DNER: variants seen among roughly 807,000 people sequenced by gnomAD.
DNER encodes the protein delta/notch like EGF repeat containing.
A neutral mutation model predicts 78.2 loss-of-function variants in DNER; 33 were observed. That is an observed-to-expected ratio of 0.42 (90% confidence interval 0.32 to 0.56). DNER has a LOEUF of 0.56. Among genes scored for constraint, DNER ranks in the 20% least tolerant of loss-of-function variants. DNER has a pLI of 0.11. For synonymous variants in DNER, 417 were observed against 384.8 expected (o/e 1.08, Z -0.98); for missense variants, 918 against 975.3 (o/e 0.94, Z 0.78).
At chr2:229,415,926 C>A (rs1036257091) in intron 9 of DNER, among the ~76,000 whole-genome samples, 11 of 152,336 alleles carry the variant, frequency 7.2e-5, no homozygotes, top group African/African-American at 2.6e-4. Context: ...GTAAAAAATT[C>A]TCTTTATCCT....
At chr2:229,681,470 T>G (rs887279209) in intron 1 of DNER, among the ~76,000 whole-genome samples, 1 of 152,206 alleles carries the variant, frequency 6.6e-6, no homozygotes, top group Non-Finnish European at 1.5e-5. Context: ...AAGCCAATTA[T>G]GCTCAAAATA....
At chr2:229,531,963 C>T (rs1253980839) in intron 5 of DNER, among the ~76,000 whole-genome samples, 3 of 151,892 alleles carry the variant, frequency 2.0e-5, no homozygotes, top group Admixed American at 2.0e-4. Flanking sequence ...TCCACAGAGA[C>T]AGAATGCAGA....
intron 1 of DNER, among the ~76,000 whole-genome samples, chr2:229,595,497 G>T (rs1697695697): frequency 6.6e-6 from 1 of 152,100 alleles, no homozygotes; most frequent in Non-Finnish European, 1.5e-5. Flanking sequence ...GGCCAGGCTG[G>T]TCTCAAACTC....
At chr2:229,629,569 G>T (rs773196639) in intron 1 of DNER, among the ~76,000 whole-genome samples, 13 of 152,270 alleles carry the variant, frequency 8.5e-5, no homozygotes, top group Admixed American at 2.0e-4. Flanking sequence ...AGCAATACAT[G>T]GAGTCAAGTG....
chr2:229,391,727 G>C (rs1015338441), intron 10 of DNER, among the ~76,000 whole-genome samples: 16 of 152,004 alleles, frequency 1.1e-4, no homozygotes, highest in Non-Finnish European at 2.2e-4. Flanking sequence ...ATTTTTAGTA[G>C]AGACGGGGTT....
intron 11 of DNER, among the ~76,000 whole-genome samples, chr2:229,374,037 A>G (rs1476169423): frequency 1.3e-5 from 2 of 152,136 alleles, no homozygotes; most frequent in Non-Finnish European, 2.9e-5. Context: ...GTGTCATGGT[A>G]CATTTCTGTA....
intron 10 of DNER, 127 bp from the exon 11 acceptor site, chr2:229,388,523 T>C (rs529788571): frequency 3.4e-4 from 391 of 1,142,270 alleles, no homozygotes; most frequent in Middle Eastern, 1.4e-3. Context: ...ACCTGCTGTT[T>C]GTATAAAGTG....
intron 1 of DNER, among the ~76,000 whole-genome samples, chr2:229,698,767 GGTTT>G (rs1203443094): frequency 6.6e-6 from 1 of 152,028 alleles, no homozygotes; most frequent in Non-Finnish European, 1.5e-5. Context: ...TCCAGCTAAA[GGTTT>G]ATTTGGGGCC....
intron 6 of DNER, among the ~76,000 whole-genome samples, chr2:229,507,635 T>G (rs1452003618): frequency 6.6e-6 from 1 of 152,220 alleles, no homozygotes; most frequent in African/African-American, 2.4e-5. Flanking sequence ...AGGGACACGT[T>G]ATAAAGTATC....
intron 4 of DNER, among the ~76,000 whole-genome samples, chr2:229,570,731 A>AT (rs1697204262): frequency 6.6e-6 from 1 of 151,980 alleles, no homozygotes; most frequent in African/African-American, 2.4e-5. Flanking sequence ...TTGCAGTTGT[A>AT]TAAGAGTGGA....
chr2:229,695,822 C>G (rs1699654880), intron 1 of DNER, among the ~76,000 whole-genome samples: 1 of 152,156 alleles, frequency 6.6e-6, no homozygotes, highest in Non-Finnish European at 1.5e-5. Context: ...GAATAGTAAG[C>G]TGAGGGTCAT....
At chr2:229,565,300 A>G (rs1697083856) in intron 4 of DNER, among the ~76,000 whole-genome samples, 1 of 152,208 alleles carries the variant, frequency 6.6e-6, no homozygotes, top group Admixed American at 6.5e-5. Context: ...ATTTGTTTAA[A>G]TGATTGCTAC....
At chr2:229,455,343 T>C (rs1694547435) in intron 7 of DNER, among the ~76,000 whole-genome samples, 1 of 152,150 alleles carries the variant, frequency 6.6e-6, no homozygotes, top group South Asian at 2.1e-4. Flanking sequence ...TGTTGGCTCC[T>C]ACCATGAAGT....
At chr2:229,467,965 T>C (rs2154211051) in intron 7 of DNER, among the ~76,000 whole-genome samples, 1 of 151,936 alleles carries the variant, frequency 6.6e-6, no homozygotes, top group African/African-American at 2.4e-5. Context: ...ATTTGGGGGG[T>C]TCACATGGCC....
intron 12 of DNER, among the ~76,000 whole-genome samples, chr2:229,366,018 G>T (rs1692338894): frequency 6.6e-6 from 1 of 152,196 alleles, no homozygotes; most frequent in Non-Finnish European, 1.5e-5. Flanking sequence ...ATTTGGAGAA[G>T]TAAATATGGG....
intron 8 of DNER, among the ~76,000 whole-genome samples, chr2:229,445,667 A>G (rs1332496973): frequency 6.6e-6 from 1 of 152,242 alleles, no homozygotes; most frequent in Admixed American, 6.5e-5. Context: ...CTCAAGACAC[A>G]ACACAGAAAC....
At position 229,580,809 on chromosome 2, in the gene DNER, G is replaced by T. The variant is rs188947626; in HGVS notation, c.847+5049C>A. ...GGAGAATATTCCAGGGAGAATAACTGTTAGAATATTCCAGGGTACCTGGAA... is the reference window on the plus strand; with the variant it reads ...GGAGAATATTCCAGGGAGAATAACTTTTAGAATATTCCAGGGTACCTGGAA... On this transcript the variant is annotated intron_variant, in intron 4 of 12. Coordinates refer to ENST00000341772, the MANE Select transcript of DNER (RefSeq NM_139072.4). Among the ~76,000 whole-genome samples, 453 of 152,338 alleles carry T rather than the reference G, an allele frequency of 3.0e-3. 1 individual carries two copies. The highest frequency in any genetic ancestry group is 4.5e-3 in the Non-Finnish European group (303 of 68,040).
intron 6 of DNER, among the ~76,000 whole-genome samples, chr2:229,491,337 A>G (rs1208493526): frequency 6.6e-6 from 1 of 152,182 alleles, no homozygotes; most frequent in Non-Finnish European, 1.5e-5. Flanking sequence ...ATGCCCTCAC[A>G]TGGCAGAAAA....
At chr2:229,475,733 A>G (rs1012820360) in intron 7 of DNER, among the ~76,000 whole-genome samples, 9 of 152,284 alleles carry the variant, frequency 5.9e-5, no homozygotes, top group African/African-American at 2.2e-4. Context: ...CCCCCATCTG[A>G]ACTTCCAGAG....
Sources: gnomAD v4.1 joint callset for allele counts (sites outside exome capture counted in the v4.1 genomes callset) on GRCh38, gnomAD v4.1.1 for gene constraint, MANE v1.5 for transcripts, NCBI Gene and HGNC (gene_info 2026-07-23, HGNC 2026-07-21) for gene names.